The following ROBO2 variants were observed in gnomAD, a reference collection of about 807,000 sequenced individuals.
The protein encoded by ROBO2 is roundabout guidance receptor 2, also known as roundabout homolog 2.
ROBO2 carries 53 observed loss-of-function variants against 160.8 expected under a neutral mutation model. That is an observed-to-expected ratio of 0.33 (90% confidence interval 0.26 to 0.41). ROBO2 has a LOEUF of 0.41. ROBO2 is among the 10% of genes least tolerant of loss of function. The probability of loss-of-function intolerance (pLI) is 1.00; values close to 1 mark genes in which losing one functional copy is unlikely to be tolerated. For missense variants in ROBO2, 1,577 were observed against 1,722.4 expected (o/e 0.92, Z 1.49); for synonymous variants, 664 against 611.7 (o/e 1.09, Z -1.26).
At chr3:76,807,149 A>G (rs1258384120) in intron 2 of ROBO2, among the ~76,000 whole-genome samples, 1 of 152,068 alleles carries the variant, frequency 6.6e-6, no homozygotes, top group Non-Finnish European at 1.5e-5. Flanking sequence ...AGTTTTATAT[A>G]CTGTCATTCA....
intron 2 of ROBO2, among the ~76,000 whole-genome samples, chr3:77,219,012 G>T (rs758488324): frequency 1.3e-5 from 2 of 151,824 alleles, no homozygotes; most frequent in Non-Finnish European, 2.9e-5. Flanking sequence ...CTTGTCTCCC[G>T]GGCTGGATTG....
intron 2 of ROBO2, among the ~76,000 whole-genome samples, chr3:76,779,166 T>A (rs562849129): frequency 8.6e-5 from 13 of 151,150 alleles, no homozygotes; most frequent in African/African-American, 3.1e-4. Flanking sequence ...CTTCTACTCC[T>A]TTAAAAAATA....
At chr3:77,490,711 C>T (rs886204348) in intron 4 of ROBO2, among the ~76,000 whole-genome samples, 2 of 152,132 alleles carry the variant, frequency 1.3e-5, no homozygotes, top group African/African-American at 4.8e-5. Flanking sequence ...TGCCCACACT[C>T]ACACACAATC....
rs541713032 is a variant in ROBO2 at position 77,273,738 on chromosome 3, A to T, written c.388+175398A>T. On this transcript the variant is annotated intron_variant, in intron 2 of 25. Transcript: ENST00000461745. ...TCATATAAACTTTTTGAAGAGGTAA[A>T]ACTGGATTGTTGGAAAGTTGATCAG... 4.6e-5 allele frequency among the ~76,000 whole-genome samples: 7 copies of T among 152,264 alleles called. No individual in the cohort carries two copies. In the South Asian group the frequency reaches 1.5e-3, roughly 32 times the overall value.
intron 17 of ROBO2, among the ~76,000 whole-genome samples, chr3:77,591,632 A>G (rs1173498010): frequency 6.6e-6 from 1 of 152,182 alleles, no homozygotes; most frequent in Non-Finnish European, 1.5e-5. Context: ...GTGTAAGCTA[A>G]AATATTCTGT....
chr3:77,064,362 C>CT (rs71104649), intron 1 of ROBO2, among the ~76,000 whole-genome samples: 41,541 of 137,934 alleles, frequency 0.3, 8,563 homozygotes, highest in East Asian at 0.61. Context: ...TTGGATGTAT[C>CT]TTTTTTTTTT....
At chr3:75,951,311 T>G (rs574770528) in intron 2 of ROBO2, among the ~76,000 whole-genome samples, 92 of 152,218 alleles carry the variant, frequency 6.0e-4, no homozygotes, top group African/African-American at 2.1e-3. Context: ...AAAACGTCTT[T>G]CTGTAAAGAA....
chr3:77,643,947 G>A (rs993183467), intron 24 of ROBO2, among the ~76,000 whole-genome samples: 1 of 152,122 alleles, frequency 6.6e-6, no homozygotes, highest in Non-Finnish European at 1.5e-5. Flanking sequence ...AGTAAATTCA[G>A]TGAGCATTAA....
rs564163008 is a variant in ROBO2 at position 76,957,402 on chromosome 3, T to G, written c.110-140612T>G. On this transcript the variant is annotated intron_variant, in intron 2 of 26. Coordinates refer to the ROBO2 transcript ENST00000487694. Reference sequence around the variant, plus strand: ...ACCTATTAGATATTTTGCTAGGACTTGGAATATTTCTTTAGCATTTAGATT... The same window carrying G: ...ACCTATTAGATATTTTGCTAGGACTGGGAATATTTCTTTAGCATTTAGATT... 1.1e-4 allele frequency among the ~76,000 whole-genome samples: 17 copies of G among 152,288 alleles called. 1 individual carries two copies. The South Asian group carries it at 3.5e-3, about 32-fold the overall frequency.
chr3:77,260,544 T>C (rs2058708876), intron 2 of ROBO2, among the ~76,000 whole-genome samples: 1 of 152,074 alleles, frequency 6.6e-6, no homozygotes, highest in Non-Finnish European at 1.5e-5. Context: ...AGATTCATGG[T>C]TTTGAATTGT....
intron 2 of ROBO2, among the ~76,000 whole-genome samples, chr3:76,954,084 G>A (rs574606244): frequency 4.6e-5 from 7 of 152,238 alleles, no homozygotes; most frequent in Admixed American, 1.3e-4. Flanking sequence ...CAGATGATTC[G>A]TTTATTTATT....
chr3:76,838,688 T>C (rs1204894047), intron 2 of ROBO2, among the ~76,000 whole-genome samples: 2 of 152,062 alleles, frequency 1.3e-5, no homozygotes, highest in East Asian at 3.9e-4. Context: ...CTTATCTCCA[T>C]TCGTAAATTA....
At chr3:77,378,692 G>A (rs1184153674) in intron 2 of ROBO2, among the ~76,000 whole-genome samples, 3 of 152,026 alleles carry the variant, frequency 2.0e-5, no homozygotes, top group Non-Finnish European at 2.9e-5. Context: ...TTTGAAATAG[G>A]CTATGTGATT....
intron 2 of ROBO2, among the ~76,000 whole-genome samples, chr3:77,186,203 G>A (rs2081276519): frequency 1.3e-5 from 2 of 151,638 alleles, no homozygotes; most frequent in Non-Finnish European, 2.9e-5. Context: ...TTAAGTCAGT[G>A]TCATAGGAAT....
intron 2 of ROBO2, among the ~76,000 whole-genome samples, chr3:76,219,004 T>C (rs1703764674): frequency 6.6e-6 from 1 of 152,094 alleles, no homozygotes; most frequent in Non-Finnish European, 1.5e-5. Context: ...TCAGAAGTAA[T>C]GCCGCATATC....
intron 2 of ROBO2, among the ~76,000 whole-genome samples, chr3:77,178,340 A>C (rs2150812367): frequency 6.6e-6 from 1 of 152,130 alleles, no homozygotes; most frequent in Non-Finnish European, 1.5e-5. Context: ...AATCTCTCTC[A>C]AATCTCTGCC....
Position 76,993,540 on chromosome 3 carries a change from A to G in ROBO2, c.110-104474A>G, listed in dbSNP as rs59753904. Among the ~76,000 whole-genome samples the G allele has an allele frequency of 4.5e-3, 685 of 152,264 alleles. 3 individuals are homozygous for G. The highest frequency in any genetic ancestry group is 0.016 in the African/African-American group (652 of 41,562). ...TGGTTTGGTTAATGGCCTCCTTTAA[A>G]AAAACAAATGCAGGTATCTCCCTTG... On this transcript the variant is annotated intron_variant, in intron 2 of 26. Transcript: ENST00000487694.
intron 2 of ROBO2, among the ~76,000 whole-genome samples, chr3:76,803,723 A>C (rs2064437182): frequency 6.6e-6 from 1 of 152,112 alleles, no homozygotes; most frequent in Non-Finnish European, 1.5e-5. Flanking sequence ...TCTTGTATTT[A>C]TTGGTCTTTA....
intron 2 of ROBO2, among the ~76,000 whole-genome samples, chr3:76,834,023 T>TCTC (rs201976697): frequency 8.6e-6 from 1 of 116,422 alleles, no homozygotes; most frequent in East Asian, 3.3e-4. Context: ...CCTTTCTTTC[T>TCTC]TTTCTTTCTT....
Sources: gnomAD v4.1 joint callset for allele counts (sites outside exome capture counted in the v4.1 genomes callset) on GRCh38, gnomAD v4.1.1 for gene constraint, MANE v1.5 for transcripts, NCBI Gene and HGNC (gene_info 2026-07-23, HGNC 2026-07-21) for gene names.